The following IGSF9B variants were observed in gnomAD, a reference collection of about 807,000 sequenced individuals.
The protein encoded by IGSF9B is protein turtle homolog B.
Under a neutral mutation model 143.7 loss-of-function variants are expected in IGSF9B, and 48 were observed. The observed-to-expected ratio is 0.33, with a 90% confidence interval of 0.26 to 0.42. IGSF9B has a LOEUF of 0.42. Among genes scored for constraint, IGSF9B ranks in the 20% least tolerant of loss-of-function variants. IGSF9B has a pLI of 1.00. For synonymous variants in IGSF9B, 903 were observed against 833.1 expected, an observed-to-expected ratio of 1.08 and a Z score of -1.44; for missense variants, 1,706 against 1,980.0, an observed-to-expected ratio of 0.86 and a Z score of 2.63.
In IGSF9B at chr11:133,932,295, A is replaced by AGGGAAGC. The variant is rs1939747470; in HGVS notation, c.968-83_968-82insGCTTCCC. On this transcript the variant is annotated intron_variant, in intron 7 of 19. Coordinates refer to ENST00000533871, the MANE Select transcript of IGSF9B (RefSeq NM_001277285.4). ...CAGACACAGGGACAGACAGACAGAC[A>AGGGAAGC]CAGGGACAGACAGACACAGGGAAGC... The AGGGAAGC allele has an allele frequency of 5.8e-6, 8 of 1,382,978 alleles. No homozygotes were observed. In the Admixed American group the frequency reaches 1.5e-4, roughly 26 times the overall value. The allele number at this position is 1,382,978 out of a possible 1,614,324, so 85.7% of individuals were successfully genotyped here.
At position 133,931,239 on chromosome 11, in the gene IGSF9B, G is replaced by T; in HGVS notation, c.1369-105C>A. The T allele has an allele frequency of 8.3e-7, 1 of 1,204,632 alleles. No homozygotes were observed. Among genetic ancestry groups the T allele is most frequent in the Non-Finnish European group, 1.2e-6 (1 of 845,562 alleles). 74.6% of individuals were successfully genotyped at this position (1,204,632 alleles called of 1,614,324 possible). On this transcript the variant is annotated intron_variant, in intron 10 of 19. Transcript: ENST00000533871. The surrounding 1 kb of genome is among the most constrained non-coding windows in gnomAD (Gnocchi z 7.7). The stretch of plus-strand genomic sequence containing the variant: ...GCGCCTGAGACCCCGGCCCGCCCAC[G>T]CTGCCCTCCTCCCGAGTGCCTGCCG...
chr11:133,931,596 G>A lies in IGSF9B; in HGVS notation c.1252-27C>T, dbSNP rs752758814. 56 of 1,610,700 alleles carry A rather than the reference G, an allele frequency of 3.5e-5. No individual in the cohort carries two copies. The highest frequency in any genetic ancestry group is 8.4e-5 in the Admixed American group (5 of 59,804). On this transcript the variant is annotated intron_variant, in intron 9 of 19. Transcript: ENST00000533871. The surrounding 1 kb of genome is among the most constrained non-coding windows in gnomAD (Gnocchi z 7.7). ...TGGGGAGGAAAGCACAGGCACCCTC[G>A]TGAGGCCGGGGATCCAGGTGCCCAG...
intron 3 of IGSF9B, among the ~76,000 whole-genome samples, chr11:133,941,757 C>A (rs1461689292): frequency 2.0e-5 from 3 of 152,178 alleles, no homozygotes; most frequent in African/African-American, 7.2e-5. Flanking sequence ...AACAGCCTAC[C>A]CGTGTTCCCT....
At chr11:133,919,070 C>A (rs1324691424) in intron 18 of IGSF9B, 1 of 453,112 alleles carries the variant, frequency 2.2e-6, no homozygotes, top group East Asian at 7.0e-5. Context: ...CTCAGGCGGG[C>A]TGGTCGCGGG....
At chr11:133,911,533 C>T (rs943484278) in intron 19 of IGSF9B, among the ~76,000 whole-genome samples, 1 of 152,038 alleles carries the variant, frequency 6.6e-6, no homozygotes, top group African/African-American at 2.4e-5. Flanking sequence ...TGAAAACACA[C>T]TAAAATAATA....
At position 133,921,226 on chromosome 11, in the gene IGSF9B, G is replaced by A. The variant is rs539427112; in HGVS notation, c.2499C>T (p.Ser833=). The A allele has an allele frequency of 9.3e-6, 15 of 1,610,558 alleles. No individual in the cohort carries two copies. Among genetic ancestry groups the A allele is most frequent in the Admixed American group, 6.7e-5 (4 of 59,994 alleles). ...TKRAISSKKY[S]VAKAEAEAEA... ...CTGCCTCGGCCTCTGCCTTGGCCAC[G>A]CTGTACTTCTTGCTGCTGATGGCCC... The change falls in exon 18 of 20, where the codon AGC becomes AGT. Residue 833 remains serine (S), a synonymous_variant. Transcript: ENST00000533871.
rs780312740 is a variant in IGSF9B, at chr11:133,931,489, G to A, written c.1332C>T (p.Ala444=). Residue 444 remains alanine (A), a synonymous_variant, in exon 10 of 20, where the codon GCC becomes GCT. Transcript: ENST00000533871. The surrounding 1 kb of genome is among the most constrained non-coding windows in gnomAD (Gnocchi z 7.7). ...TGATGACAGGAAAGGGGTCCCCTGC[G>A]GCAGCACAGGGGATAAGTAGCTCCC... ...AGRELLIPCA[A]AGDPFPVITW... 1.5e-5 allele frequency: 24 copies of A among 1,613,146 alleles called. No individual in the cohort carries two copies. The highest frequency in any genetic ancestry group is 6.6e-5 in the South Asian group (6 of 91,060).
intron 19 of IGSF9B, among the ~76,000 whole-genome samples, chr11:133,911,074 A>T (rs898532950): frequency 1.7e-4 from 26 of 152,324 alleles, no homozygotes; most frequent in African/African-American, 6.3e-4. Context: ...AATCCTGTCT[A>T]TAAAGAGAGT....
Position 133,897,313 on chromosome 11 carries a change from A to G in IGSF9B, c.*11756T>C, listed in dbSNP as rs2121244308. ...TCGTACTTAGTACATTCACCATGAC[A>G]CTGTGCACCTGTGAGCTCTCTCCCG... On this transcript the variant is annotated 3_prime_UTR_variant, in exon 20 of 20. Transcript: ENST00000533871. 6.6e-6 allele frequency: 1 copy of G among 152,176 alleles called. No individual in the cohort carries two copies. The highest frequency in any genetic ancestry group is 1.9e-4 in the East Asian group (1 of 5,170). The allele number at this position is 152,176 out of a possible 1,614,324, so 9.4% of individuals were successfully genotyped here.
intron 7 of IGSF9B, among the ~76,000 whole-genome samples, chr11:133,932,487 T>A (rs1591718273): frequency 8.4e-6 from 1 of 118,610 alleles, no homozygotes; most frequent in South Asian, 3.0e-4. Context: ...GGAAGCCAGG[T>A]GAGAGAGCAG....
At position 133,919,798 on chromosome 11, in the gene IGSF9B, C is replaced by T. The variant is rs1939477330; in HGVS notation, c.3927G>A (p.Arg1309=). The T allele has an allele frequency of 6.6e-7, 1 of 1,507,826 alleles. No individual in the cohort carries two copies. The highest frequency in any genetic ancestry group is 2.3e-5 in the East Asian group (1 of 43,120). 93.4% of individuals were successfully genotyped at this position (1,507,826 alleles called of 1,614,324 possible). A position where few individuals can be genotyped will look rare whatever the true frequency, so the allele number is the denominator to read the frequency against. Reference sequence around the variant, plus strand: ...CCGGTCGGAGCAATTCCTCCCCCGTCCTTCGAGGGGAAGGCGTCTGTCCAA... The same window carrying T: ...CCGGTCGGAGCAATTCCTCCCCCGTTCTTCGAGGGGAAGGCGTCTGTCCAA... The part of the protein sequence containing the change: ...DVFGQTPSPR[R]TGEELLRPET... The change falls in exon 18 of 20, where the codon AGG becomes AGA. Residue 1309 remains arginine, a synonymous_variant. Coordinates refer to ENST00000533871, the MANE Select transcript of IGSF9B (RefSeq NM_001277285.4).
chr11:133,942,869 G>A (rs766815754), intron 3 of IGSF9B, among the ~76,000 whole-genome samples: 1 of 152,208 alleles, frequency 6.6e-6, no homozygotes, highest in Non-Finnish European at 1.5e-5. Flanking sequence ...ACAGGAGCCA[G>A]CCACCTCCCA....
chr11:133,919,126 GGGT>G, intron 18 of IGSF9B: 4 of 362,534 alleles, frequency 1.1e-5, no homozygotes, highest in South Asian at 3.7e-5. Context: ...TACGGGGGGG[GGGT>G]GGGGGACGTG....
Position 133,945,499 on chromosome 11 carries a change from C to T in IGSF9B, c.262+562G>A, listed in dbSNP as rs371994429. On this transcript the variant is annotated intron_variant, in intron 2 of 19. Coordinates refer to ENST00000533871, the MANE Select transcript of IGSF9B (RefSeq NM_001277285.4). The surrounding 1 kb of genome is among the most constrained non-coding windows in gnomAD (Gnocchi z 4.6). Reference sequence around the variant, plus strand: ...ACACACACACCCACGCCCTCCTCTCCCGCGGGCTGGGGGGCAGGCAGCGGC... The same window carrying T: ...ACACACACACCCACGCCCTCCTCTCTCGCGGGCTGGGGGGCAGGCAGCGGC... Among the ~76,000 whole-genome samples, 11 of 152,300 alleles carry T rather than the reference C, an allele frequency of 7.2e-5. No homozygotes were observed. Among genetic ancestry groups the T allele is most frequent in the Admixed American group, 4.6e-4 (7 of 15,308 alleles).
chr11:133,903,761 A>C lies in IGSF9B; in HGVS notation c.*5308T>G, dbSNP rs931004440. On this transcript the variant is annotated 3_prime_UTR_variant, in exon 20 of 20. Transcript: ENST00000533871. The stretch of plus-strand genomic sequence containing the variant: ...TACTTGCTCCTGAAAGAAGGTTTTG[A>C]GAGTACAGACAGGAACCCAGAAATA... 6.6e-6 allele frequency among the ~76,000 whole-genome samples: 1 copy of C among 152,188 alleles called. No homozygotes were observed. The highest frequency in any genetic ancestry group is 6.5e-5 in the Admixed American group (1 of 15,280).
chr11:133,908,802 C>A lies in IGSF9B; in HGVS notation c.*267G>T. 1 of 407,444 alleles carries A rather than the reference C, an allele frequency of 2.5e-6. No individual in the cohort carries two copies. The allele number at this position is 407,444 out of a possible 1,614,324, so 25.2% of individuals were successfully genotyped here. A position where few individuals can be genotyped will look rare whatever the true frequency, so the allele number is the denominator to read the frequency against. ...GATGAGAAAAATCAACCTAGTGAAG[C>A]AGGGGGCGGAGGGGAGGAGACAGGT... On this transcript the variant is annotated 3_prime_UTR_variant, in exon 20 of 20. Coordinates refer to ENST00000533871, the MANE Select transcript of IGSF9B (RefSeq NM_001277285.4).
intron 19 of IGSF9B, among the ~76,000 whole-genome samples, chr11:133,911,399 G>T (rs1366792087): frequency 6.6e-6 from 1 of 152,140 alleles, no homozygotes; most frequent in African/African-American, 2.4e-5. Flanking sequence ...GTCCACATGG[G>T]GTCCTGTCAT....
Position 133,935,726 on chromosome 11 carries a change from C to T in IGSF9B, c.858G>A (p.Gly286=). The T allele has an allele frequency of 6.2e-7, 1 of 1,611,784 alleles. No individual in the cohort carries two copies. The highest frequency in any genetic ancestry group is 8.5e-7 in the Non-Finnish European group (1 of 1,179,240). The change falls in exon 7 of 20, where the codon GGG becomes GGA. Residue 286 remains glycine, a synonymous_variant. Coordinates refer to ENST00000533871, the MANE Select transcript of IGSF9B (RefSeq NM_001277285.4). The part of the protein sequence containing the change: ...LKLRVRILID[G]TLIIFRVKPE... ...GCTTCACCCGGAAGATGATCAGGGT[C>T]CCATCGATTAGGATGCGCACCCTCA...
intron 1 of IGSF9B, among the ~76,000 whole-genome samples, chr11:133,950,627 G>C (rs1245345361): frequency 6.6e-6 from 1 of 152,214 alleles, no homozygotes; most frequent in African/African-American, 2.4e-5. Context: ...GCCTGAGCCA[G>C]AGGTCGGCAA....
Sources: gnomAD v4.1 joint callset for allele counts (sites outside exome capture counted in the v4.1 genomes callset) on GRCh38, gnomAD v4.1.1 for gene constraint, Gnocchi (gnomAD v3.1) non-coding constraint, MANE v1.5 for transcripts, NCBI Gene and HGNC (gene_info 2026-07-23, HGNC 2026-07-21) for gene names.